VPS13D: variants seen among roughly 807,000 people sequenced by gnomAD.
The protein encoded by VPS13D is vacuolar protein sorting 13 homolog D, also known as intermembrane lipid transfer protein VPS13D.
Under a neutral mutation model 461.9 loss-of-function variants are expected in VPS13D, and 187 were observed. The observed-to-expected ratio is 0.40, with a 90% CI of 0.36 to 0.46. The LOEUF (loss-of-function observed/expected upper bound fraction) is 0.46. VPS13D is among the 20% of genes least tolerant of loss of function. The pLI is 0.60. For missense variants in VPS13D, 4,711 were observed against 5,364.9 expected (o/e 0.88, Z 3.81); for synonymous variants, 1,951 against 1,986.3 (o/e 0.98, Z 0.47).
intron 16 of VPS13D, 116 bp downstream of exon 16, chr1:12,268,992 C>G: frequency 8.5e-7 from 1 of 1,180,654 alleles, no homozygotes; most frequent in Non-Finnish European, 1.2e-6. Context: ...AAAAGGCCTG[C>G]AGAGTAAGTC....
intron 67 of VPS13D, among the ~76,000 whole-genome samples, chr1:12,477,557 C>T (rs2100470831): frequency 1.3e-5 from 2 of 152,296 alleles, no homozygotes; most frequent in South Asian, 4.1e-4. Context: ...TTGGGCTAAA[C>T]TCTAAAACTA....
In VPS13D at chr1:12,276,914, A is replaced by G. The variant is rs912147112; in HGVS notation, c.3326A>G (p.Asn1109Ser). The G allele has an allele frequency of 1.2e-6, 2 of 1,614,098 alleles. No individual in the cohort carries two copies. The highest frequency in any genetic ancestry group is 1.7e-6 in the Non-Finnish European group (2 of 1,180,042). Reference sequence around the variant, plus strand: ...CAGGTGATTTCCCTACAGGTGAATAATTTAGATATTATCCTCAATCCAGAG... The same window carrying G: ...CAGGTGATTTCCCTACAGGTGAATAGTTTAGATATTATCCTCAATCCAGAG... ...TLQVISLQVNNLDIILNPETI... is the reference protein window; with the variant it reads ...TLQVISLQVNSLDIILNPETI... Residue 1109 changes from asparagine (N) to serine (S), a missense_variant, in exon 19 of 70, where the codon AAT becomes AGT. By Grantham distance (46) the Asn-to-Ser change is conservative. Around this residue, in one of 3 missense-constraint regions of VPS13D, gnomAD observed 4,411 missense variants for 4,937.8 expected, o/e 0.89. Coordinates refer to ENST00000620676, the MANE Select transcript of VPS13D (RefSeq NM_015378.4). The surrounding 1 kb of genome is among the most constrained non-coding windows in gnomAD (Gnocchi z 4.5).
rs1441600545 is a variant in VPS13D, at chr1:12,318,397, C to T, written c.7414+60C>T. On this transcript the variant is annotated intron_variant, in intron 31 of 69. Transcript: ENST00000620676. The stretch of plus-strand genomic sequence containing the variant: ...GTTTGGATGTTAGGCTCAATATCTG[C>T]CTTACAGGATGATTGCTCTTTTGCC... The T allele has an allele frequency of 4.7e-5, 73 of 1,550,754 alleles. No individual in the cohort carries two copies. In the South Asian group the frequency reaches 8.4e-4, roughly 18 times the overall value.
intron 65 of VPS13D, among the ~76,000 whole-genome samples, chr1:12,451,663 T>G (rs1645263202): frequency 1.3e-5 from 2 of 152,228 alleles, no homozygotes; most frequent in South Asian, 4.1e-4. Flanking sequence ...CAGTTGCTAG[T>G]CGCTTTCCCA....
intron 2 of VPS13D, among the ~76,000 whole-genome samples, chr1:12,240,367 G>T (rs1230134884): frequency 1.3e-5 from 2 of 151,950 alleles, no homozygotes; most frequent in African/African-American, 4.8e-5. Flanking sequence ...GGCCAAGGTG[G>T]GTGGATCACT....
At chr1:12,242,367 T>C in intron 2 of VPS13D, 146 bp from the exon 3 acceptor site, 1 of 663,166 alleles carries the variant, frequency 1.5e-6, no homozygotes, top group South Asian at 1.9e-5. Flanking sequence ...TAGCCCGTTC[T>C]AGATGTAAAA....
intron 7 of VPS13D, 22 bp from the exon 8 acceptor site, chr1:12,256,311 C>T (rs201007265): frequency 6.8e-6 from 11 of 1,610,888 alleles, no homozygotes; most frequent in Non-Finnish European, 8.5e-6. Flanking sequence ...CGGAGCAGAG[C>T]AGGTGTTCTT....
chr1:12,292,428 T>C (rs997284237), intron 23 of VPS13D, among the ~76,000 whole-genome samples: 3 of 148,104 alleles, frequency 2.0e-5, no homozygotes, highest in Non-Finnish European at 4.5e-5. Flanking sequence ...AGGGCCATGC[T>C]CAGTCTCTTT....
intron 37 of VPS13D, among the ~76,000 whole-genome samples, chr1:12,331,556 C>T (rs1569929207): frequency 6.6e-6 from 1 of 150,762 alleles, no homozygotes; most frequent in East Asian, 2.0e-4. Flanking sequence ...AAAAAAAATA[C>T]AAAAAATTAG....
chr1:12,302,261 G>A, intron 25 of VPS13D, among the ~76,000 whole-genome samples: 1 of 152,168 alleles, frequency 6.6e-6, no homozygotes, highest in East Asian at 1.9e-4. Flanking sequence ...TTTATTTGTG[G>A]TAAATCTTTA....
chr1:12,497,179 T>G, intron 67 of VPS13D: 1 of 168,590 alleles, frequency 5.9e-6, no homozygotes, highest in Admixed American at 6.2e-5. Flanking sequence ...CGGGCACTGT[T>G]TTATTTGGTC....
At chr1:12,254,901 A>G (rs1640865075) in intron 7 of VPS13D, among the ~76,000 whole-genome samples, 1 of 151,544 alleles carries the variant, frequency 6.6e-6, no homozygotes, top group African/African-American at 2.4e-5. Context: ...TTTTTCCTCC[A>G]CCCAGGGTTA....
intron 67 of VPS13D, among the ~76,000 whole-genome samples, chr1:12,489,177 G>GA (rs1036641772): frequency 6.6e-6 from 1 of 151,916 alleles, no homozygotes; most frequent in African/African-American, 2.4e-5. Context: ...AGTTGACTAA[G>GA]AAAAAAAATC....
At chr1:12,287,834 C>G (rs1004261757) in intron 21 of VPS13D, among the ~76,000 whole-genome samples, 3 of 152,042 alleles carry the variant, frequency 2.0e-5, no homozygotes, top group African/African-American at 7.2e-5. Context: ...GATTCTAAAT[C>G]ATATTTATCA....
intron 5 of VPS13D, among the ~76,000 whole-genome samples, chr1:12,246,089 C>T (rs1640542297): frequency 1.3e-5 from 2 of 152,170 alleles, no homozygotes. Context: ...GTGGAGGTAG[C>T]TGGGCCTTTT....
chr1:12,423,774 T>C (rs1644890951), intron 65 of VPS13D, among the ~76,000 whole-genome samples: 1 of 152,236 alleles, frequency 6.6e-6, no homozygotes. Flanking sequence ...ATATATACTA[T>C]GACCTTGTTG....
rs1244702177 is a variant in VPS13D, at chr1:12,257,033, A to C, written c.887A>C (p.Lys296Thr). The change falls in exon 9 of 70, where the codon AAG becomes ACG. Residue 296 changes from lysine to threonine, a missense_variant. Coordinates refer to ENST00000620676, the MANE Select transcript of VPS13D (RefSeq NM_015378.4). Reference protein sequence around the residue: ...IMEFLKELERKERQVKFRRWK... With the variant: ...IMEFLKELERTERQVKFRRWK... Reference sequence around the variant, plus strand: ...GAATTCCTCAAGGAGCTGGAACGAAAGGAGAGGCAGGTGAAGTTCCGAAGG... The same window carrying C: ...GAATTCCTCAAGGAGCTGGAACGAACGGAGAGGCAGGTGAAGTTCCGAAGG... 1 of 1,614,218 alleles carries C rather than the reference A, an allele frequency of 6.2e-7. No individual in the cohort carries two copies. Among genetic ancestry groups the C allele is most frequent in the Non-Finnish European group, 8.5e-7 (1 of 1,180,036 alleles).
At chr1:12,387,537 T>C (rs562415666) in intron 60 of VPS13D, among the ~76,000 whole-genome samples, 1 of 152,040 alleles carries the variant, frequency 6.6e-6, no homozygotes, top group African/African-American at 2.4e-5. Context: ...CTGTATTCTC[T>C]GTGTTCAAAA....
intron 17 of VPS13D, 143 bp downstream of exon 17, chr1:12,271,267 T>C (rs775306614): frequency 5.0e-5 from 52 of 1,035,410 alleles, no homozygotes; most frequent in Non-Finnish European, 6.4e-5. Flanking sequence ...CCTTATCAGC[T>C]AGCATAGAAT....
Sources: gnomAD v4.1 joint callset for allele counts (sites outside exome capture counted in the v4.1 genomes callset) on GRCh38, gnomAD v4.1.1 for gene constraint, gnomAD v4.1.1 regional missense constraint, Gnocchi (gnomAD v3.1) non-coding constraint, MANE v1.5 for transcripts, NCBI Gene and HGNC (gene_info 2026-07-23, HGNC 2026-07-21) for gene names.